The following ADCY10 variants were observed in gnomAD, a reference collection of about 807,000 sequenced individuals.
ADCY10 encodes adenylate cyclase type 10.
Under a neutral mutation model 183.3 loss-of-function variants are expected in ADCY10, and 156 were observed. That is an observed-to-expected ratio of 0.85 (90% CI 0.75 to 0.97). The LOEUF is 0.97. ADCY10 is among the 50% of genes least tolerant of loss of function. The pLI is 0.00. For synonymous variants in ADCY10, 645 were observed against 670.0 expected (o/e 0.96, Z 0.58); for missense variants, 1,745 against 1,934.3 (o/e 0.90, Z 1.84).
chr1:167,833,084 G>C lies in ADCY10; in HGVS notation c.3496C>G (p.Pro1166Ala). The C allele has an allele frequency of 6.2e-7, 1 of 1,614,158 alleles. No individual in the cohort carries two copies. The highest frequency in any genetic ancestry group is 8.5e-7 in the Non-Finnish European group (1 of 1,180,026). Residue 1166 changes from proline (P) to alanine (A), a missense_variant, in exon 25 of 33, where the codon CCT becomes GCT. Transcript: ENST00000367851. ...KALKLLNRIF[P>A]YNLISLFLHI... Reference sequence around the variant, plus strand: ...AGAAACAAGGAGATTAAGTTGTAAGGAAAGATTCGGTTGAGGAGCTTCAGT... The same window carrying C: ...AGAAACAAGGAGATTAAGTTGTAAGCAAAGATTCGGTTGAGGAGCTTCAGT...
intron 30 of ADCY10, chr1:167,820,995 T>A (rs1170657276): frequency 1.3e-5 from 2 of 152,236 alleles, no homozygotes; most frequent in Admixed American, 1.3e-4. Context: ...CTTGTAGCAT[T>A]TTATATAGGA....
intron 1 of ADCY10, among the ~76,000 whole-genome samples, chr1:167,911,227 G>A (rs533771795): frequency 6.6e-6 from 1 of 152,296 alleles, no homozygotes; most frequent in South Asian, 2.1e-4. Flanking sequence ...GTAAAGTAGA[G>A]GTTCCTCTTC....
chr1:167,911,052 A>C (rs1380561571), intron 1 of ADCY10, among the ~76,000 whole-genome samples: 2 of 152,186 alleles, frequency 1.3e-5, no homozygotes, highest in African/African-American at 2.4e-5. Context: ...TTAACACTGG[A>C]TGGAAAGTGG....
In ADCY10 at chr1:167,836,302, A is replaced by G; in HGVS notation, c.3309+7T>C. ...GGGTGGAGGTGGTCTGGGTAGAAAC[A>G]GCTTACCATGTAGTTATCACAAAAG... On this transcript the variant is annotated splice_region_variant and intron_variant, in intron 23 of 32. Coordinates refer to ENST00000367851, the MANE Select transcript of ADCY10 (RefSeq NM_018417.6). The G allele has an allele frequency of 6.3e-7, 1 of 1,592,972 alleles. No individual in the cohort carries two copies. Among genetic ancestry groups the G allele is most frequent in the Non-Finnish European group, 8.6e-7 (1 of 1,160,934 alleles).
At chr1:167,813,379 G>A (rs181593504) in intron 31 of ADCY10, among the ~76,000 whole-genome samples, 70 of 151,992 alleles carry the variant, frequency 4.6e-4, no homozygotes, top group Non-Finnish European at 6.3e-4. Context: ...AAAAAAACCC[G>A]TCAACCAAGA....
At chr1:167,857,627 A>G (rs1666001830) in intron 16 of ADCY10, among the ~76,000 whole-genome samples, 1 of 152,248 alleles carries the variant, frequency 6.6e-6, no homozygotes, top group South Asian at 2.1e-4. Context: ...AGTGAAAAAA[A>G]GCCAACACTT....
At chr1:167,847,396 A>G (rs912367291) in intron 19 of ADCY10, among the ~76,000 whole-genome samples, 5 of 147,904 alleles carry the variant, frequency 3.4e-5, no homozygotes, top group Admixed American at 2.1e-4. Flanking sequence ...TTAAAAGAAT[A>G]ATAATACATC....
At chr1:167,813,475 C>G (rs1276399955) in intron 31 of ADCY10, among the ~76,000 whole-genome samples, 1 of 151,630 alleles carries the variant, frequency 6.6e-6, no homozygotes, top group Admixed American at 6.6e-5. Context: ...TAATTACCAC[C>G]AGGACTTTCT....
At chr1:167,906,755 C>A (rs1231594426) in intron 1 of ADCY10, among the ~76,000 whole-genome samples, 1 of 152,012 alleles carries the variant, frequency 6.6e-6, no homozygotes, top group Non-Finnish European at 1.5e-5. Flanking sequence ...TGTCACTGCA[C>A]TCTATCCTAG....
In ADCY10 at chr1:167,824,842, T is replaced by C; in HGVS notation, c.3764A>G (p.Tyr1255Cys). The change falls in exon 27 of 33, where the codon TAC becomes TGC. Residue 1255 changes from tyrosine to cysteine, a missense_variant. Coordinates refer to ENST00000367851, the MANE Select transcript of ADCY10 (RefSeq NM_018417.6). ...GTGGTGGTATAGCGAATAGTCTAGG[T>C]AAGCCTTAATGATCTGAAATGGCAG... ...TQNCFQIIKA[Y>C]LDYSLYHHLA... 1 of 1,614,236 alleles carries C rather than the reference T, an allele frequency of 6.2e-7. No homozygotes were observed. The highest frequency in any genetic ancestry group is 1.1e-5 in the South Asian group (1 of 91,084).
In ADCY10 at chr1:167,883,514, G is replaced by C; in HGVS notation, c.943C>G (p.Gln315Glu). The C allele has an allele frequency of 6.2e-7, 1 of 1,614,226 alleles. No individual in the cohort carries two copies. The highest frequency in any genetic ancestry group is 8.5e-7 in the Non-Finnish European group (1 of 1,180,032). ...GAAGTGATGTGCATATAGGCATCCT[G>C]GATGGCTGGGCCTATCTCTTCTGCT... is the stretch of plus-strand genomic sequence containing the variant. ...DKAEEIGPAIQDAYMHITSVL... is the reference protein window; with the variant it reads ...DKAEEIGPAIEDAYMHITSVL... The change falls in exon 9 of 33, where the codon CAG becomes GAG. Residue 315 changes from glutamine (Q) to glutamate (E), a missense_variant. Coordinates refer to ENST00000367851, the MANE Select transcript of ADCY10 (RefSeq NM_018417.6).
chr1:167,896,615 T>C lies in ADCY10; in HGVS notation c.719A>G (p.Tyr240Cys). Residue 240 changes from tyrosine (Y) to cysteine (C), a missense_variant, in exon 7 of 33, where the codon TAT becomes TGT. Tyr to Cys is a radical substitution (Grantham distance 194). Coordinates refer to ENST00000367851, the MANE Select transcript of ADCY10 (RefSeq NM_018417.6). ...FTKCTTFMHY[Y>C]PSGEHKNLLR... is the part of the protein sequence containing the mutation. The stretch of plus-strand genomic sequence containing the variant: ...CTTACTTTTGTGCTCACCAGAAGGA[T>C]AATAATGCATGAAGGTCGTACACTT... The C allele has an allele frequency of 6.2e-7, 1 of 1,613,354 alleles. No homozygotes were observed. Among genetic ancestry groups the C allele is most frequent in the Admixed American group, 1.7e-5 (1 of 60,026 alleles).
chr1:167,835,500 A>G (rs12409150), intron 23 of ADCY10, among the ~76,000 whole-genome samples: 35,443 of 152,184 alleles, frequency 0.23, 4,990 homozygotes, highest in Non-Finnish European at 0.31. Flanking sequence ...AGAAACATTC[A>G]CTAGTGCTTT....
intron 9 of ADCY10, 62 bp downstream of exon 9, chr1:167,883,375 G>T: frequency 6.4e-7 from 1 of 1,559,202 alleles, no homozygotes; most frequent in Non-Finnish European, 8.8e-7. Flanking sequence ...TCACCAATGT[G>T]CTTGTCCATG....
At chr1:167,826,577 A>G (rs561957250) in intron 26 of ADCY10, among the ~76,000 whole-genome samples, 22 of 152,258 alleles carry the variant, frequency 1.4e-4, no homozygotes, top group African/African-American at 5.3e-4. Context: ...CTCTACCACA[A>G]TTCTTAGGAT....
At chr1:167,876,728 G>A (rs1667493920) in intron 12 of ADCY10, among the ~76,000 whole-genome samples, 1 of 152,220 alleles carries the variant, frequency 6.6e-6, no homozygotes, top group African/African-American at 2.4e-5. Flanking sequence ...AATGGCCCCA[G>A]TACCTGTATC....
Position 167,861,009 on chromosome 1 carries a change from G to C in ADCY10, c.1671C>G (p.Ile557Met). ...CTAGGACATTGGCCATGAACATCTG[G>C]ATGGTATAGAAAGTTTGATGGAAGC... Reference protein sequence around the residue: ...KISFHQTFYTIQMFMANVLGL... With the variant: ...KISFHQTFYTMQMFMANVLGL... Residue 557 changes from isoleucine to methionine, a missense_variant, in exon 15 of 33, where the codon ATC becomes ATG. Transcript: ENST00000367851. The C allele has an allele frequency of 6.2e-7, 1 of 1,614,150 alleles. No individual in the cohort carries two copies. Among genetic ancestry groups the C allele is most frequent in the Non-Finnish European group, 8.5e-7 (1 of 1,179,990 alleles).
At chr1:167,872,565 C>T (rs1040698824) in intron 13 of ADCY10, among the ~76,000 whole-genome samples, 3 of 151,686 alleles carry the variant, frequency 2.0e-5, no homozygotes, top group Admixed American at 2.0e-4. Context: ...CAGTTTTTAC[C>T]CTAAAAAGCC....
intron 2 of ADCY10, chr1:167,904,554 C>T (rs974868580): frequency 2.7e-6 from 1 of 367,498 alleles, no homozygotes; most frequent in Non-Finnish European, 4.9e-6. Context: ...ACTTCTTTAA[C>T]TGGGAATAAA....
Sources: gnomAD v4.1 joint callset for allele counts (sites outside exome capture counted in the v4.1 genomes callset) on GRCh38, gnomAD v4.1.1 for gene constraint, MANE v1.5 for transcripts, NCBI Gene and HGNC (gene_info 2026-07-23, HGNC 2026-07-21) for gene names.